Variants in GFRAL observed in about 807,000 individuals in gnomAD.
GFRAL encodes GDNF family receptor alpha like.
Under a neutral mutation model 45.4 loss-of-function variants are expected in GFRAL, and 36 were observed. The ratio of observed to expected loss-of-function variants is 0.79; its 90% CI spans 0.61 to 1.05. GFRAL has a LOEUF of 1.05. GFRAL is among the 50% of genes least tolerant of loss of function. The pLI, the probability that GFRAL is intolerant of heterozygous loss-of-function variation, is 0.00. For missense variants in GFRAL, 507 were observed against 467.5 expected (o/e 1.08, Z -0.78); for synonymous variants, 166 against 154.1 (o/e 1.08, Z -0.57).
chr6:55,379,243 A>ACAT (rs1768574462), intron 6 of GFRAL, among the ~76,000 whole-genome samples: 1 of 151,882 alleles, frequency 6.6e-6, no homozygotes, highest in Non-Finnish European at 1.5e-5. Flanking sequence ...GATTTGTTGT[A>ACAT]CATATTATTT....
chr6:55,381,058 A>T (rs1029129650), intron 6 of GFRAL, among the ~76,000 whole-genome samples: 1 of 151,940 alleles, frequency 6.6e-6, no homozygotes, highest in African/African-American at 2.4e-5. Context: ...AAAAAGTTTG[A>T]GTAGTAGGAA....
intron 4 of GFRAL, among the ~76,000 whole-genome samples, chr6:55,351,011 G>T (rs1334780143): frequency 2.0e-5 from 3 of 152,038 alleles, no homozygotes; most frequent in African/African-American, 7.2e-5. Flanking sequence ...TTTTGGCCCA[G>T]CACGCTTCCC....
At position 55,351,341 on chromosome 6, in the gene GFRAL, AG is replaced by A. The variant is rs1768113766; in HGVS notation, c.460del (p.Ala154LeufsTer11). 6.2e-7 allele frequency: 1 copy of A among 1,613,554 alleles called. No individual in the cohort carries two copies. The highest frequency in any genetic ancestry group is 1.1e-5 in the South Asian group (1 of 91,084). ...CNAQLASYLK[A>X]CSANGNPCDL... is the part of the protein sequence containing the mutation. ...ATGCACAGTTGGCCTCTTACCTTAA[AG>A]CTTGCTCAGCAAATGGAAATCCGTG... On this transcript the variant is annotated frameshift_variant, in exon 5 of 9. Transcript: ENST00000340465. LOFTEE classifies it high-confidence loss of function.
chr6:55,384,271 A>T (rs543702112), intron 6 of GFRAL, among the ~76,000 whole-genome samples: 7 of 147,388 alleles, frequency 4.7e-5, no homozygotes, highest in Non-Finnish European at 7.4e-5. Flanking sequence ...TAAAGTATAT[A>T]AAAAAAACTC....
Position 55,351,253 on chromosome 6 carries a change from G to T in GFRAL, c.371G>T (p.Gly124Val). 1 of 1,575,036 alleles carries T rather than the reference G, an allele frequency of 6.3e-7. No homozygotes were observed. Residue 124 changes from glycine to valine, a missense_variant and splice_region_variant, in exon 5 of 9, where the codon GGA becomes GTA. Physicochemically the swap from Gly to Val is moderately radical, Grantham distance 109 (BLOSUM62 -3). Coordinates refer to ENST00000340465, the MANE Select transcript of GFRAL (RefSeq NM_207410.2). ...KWNLTTRSHH[G>V]FKGMWSCLEV... ...GACCTGGGCATATCATTGCTTTCAGGATTCAAAGGGATGTGGTCCTGTTTG... is the reference window on the plus strand; with the variant it reads ...GACCTGGGCATATCATTGCTTTCAGTATTCAAAGGGATGTGGTCCTGTTTG...
At position 55,327,540 on chromosome 6, in the gene GFRAL, C is replaced by A. The variant is rs373472577; in HGVS notation, c.-15C>A. 1.9e-6 allele frequency: 3 copies of A among 1,612,236 alleles called. No homozygotes were observed. The highest frequency in any genetic ancestry group is 2.7e-5 in the African/African-American group (2 of 74,812). On this transcript the variant is annotated 5_prime_UTR_variant, in exon 1 of 9. Transcript: ENST00000340465. ...CTGCCTTTTTTTCCAGGTGAACTGCCGTGAGTTGTCCAGCATGATAGTGTT... is the reference window on the plus strand; with the variant it reads ...CTGCCTTTTTTTCCAGGTGAACTGCAGTGAGTTGTCCAGCATGATAGTGTT...
At chr6:55,384,895 G>A (rs988140487) in intron 6 of GFRAL, among the ~76,000 whole-genome samples, 5 of 150,218 alleles carry the variant, frequency 3.3e-5, no homozygotes, top group African/African-American at 7.3e-5. Flanking sequence ...ACTCAGCTAC[G>A]GAGTTAGCCT....
intron 6 of GFRAL, among the ~76,000 whole-genome samples, chr6:55,364,134 G>C (rs1215114194): frequency 3.3e-5 from 5 of 150,162 alleles, no homozygotes; most frequent in Non-Finnish European, 5.9e-5. Flanking sequence ...GCCATTCTAA[G>C]TGGTGTGAGA....
rs573059504 is a variant in GFRAL, at chr6:55,342,840, A to G, written c.317-7252A>G. ...TAAAAGGATGGAGGAAGATCTACCA[A>G]GCAAATGGAAAACAAAAAAAGGCAG... is the stretch of plus-strand genomic sequence containing the variant. On this transcript the variant is annotated intron_variant, in intron 3 of 8. Coordinates refer to ENST00000340465, the MANE Select transcript of GFRAL (RefSeq NM_207410.2). 8.7e-4 allele frequency among the ~76,000 whole-genome samples: 133 copies of G among 152,290 alleles called. 1 individual carries two copies. Among genetic ancestry groups the G allele is most frequent in the African/African-American group, 3.1e-3 (129 of 41,566 alleles).
chr6:55,351,364 C>A lies in GFRAL; in HGVS notation c.482C>A (p.Pro161Gln), dbSNP rs931622163. 1.2e-6 allele frequency: 2 copies of A among 1,613,530 alleles called. No individual in the cohort carries two copies. Among genetic ancestry groups the A allele is most frequent in the Non-Finnish European group, 1.7e-6 (2 of 1,179,648 alleles). ...YLKACSANGN[P>Q]CDLKQCQAAI... is the part of the protein sequence containing the mutation. ...AAAGCTTGCTCAGCAAATGGAAATC[C>A]GTGTGATCTGAAACAGTGCCAAGCA... is the stretch of plus-strand genomic sequence containing the variant. The change falls in exon 5 of 9, where the codon CCG becomes CAG. Residue 161 changes from proline (P) to glutamine (Q), a missense_variant. Transcript: ENST00000340465.
intron 6 of GFRAL, among the ~76,000 whole-genome samples, chr6:55,368,885 C>G (rs1186780650): frequency 1.3e-5 from 2 of 152,054 alleles, no homozygotes; most frequent in Non-Finnish European, 2.9e-5. Flanking sequence ...GAGGTTACTG[C>G]TGTCTTTTTG....
intron 6 of GFRAL, among the ~76,000 whole-genome samples, chr6:55,360,016 T>C (rs182315346): frequency 6.6e-6 from 1 of 152,092 alleles, no homozygotes; most frequent in Non-Finnish European, 1.5e-5. Context: ...CAACCTATAA[T>C]GATGAAATGG....
At chr6:55,398,137 T>A (rs1156614139) in intron 6 of GFRAL, among the ~76,000 whole-genome samples, 3 of 152,198 alleles carry the variant, frequency 2.0e-5, no homozygotes, top group East Asian at 1.9e-4. Flanking sequence ...ATCCCCATCA[T>A]TAAGCAATGC....
At chr6:55,359,580 G>T (rs927603842) in intron 6 of GFRAL, among the ~76,000 whole-genome samples, 1 of 151,902 alleles carries the variant, frequency 6.6e-6, no homozygotes, top group African/African-American at 2.4e-5. Context: ...CTTTTGGGGG[G>T]TCACTCATGT....
intron 6 of GFRAL, among the ~76,000 whole-genome samples, chr6:55,387,822 A>C (rs1460089389): frequency 6.6e-6 from 1 of 152,210 alleles, no homozygotes; most frequent in Admixed American, 6.5e-5. Flanking sequence ...GAATGTTTTA[A>C]TGTCATATTT....
chr6:55,343,913 C>T (rs1364445943), intron 3 of GFRAL, among the ~76,000 whole-genome samples: 1 of 152,138 alleles, frequency 6.6e-6, no homozygotes, highest in Non-Finnish European at 1.5e-5. Context: ...AACACCTCTA[C>T]ACAAATAAAC....
chr6:55,379,493 G>T, intron 6 of GFRAL, among the ~76,000 whole-genome samples: 1 of 146,002 alleles, frequency 6.8e-6, no homozygotes. Flanking sequence ...TTTATGTTTT[G>T]CTTTTTCCCC....
chr6:55,353,876 CA>C (rs1562053780), intron 5 of GFRAL, among the ~76,000 whole-genome samples: 1 of 151,970 alleles, frequency 6.6e-6, no homozygotes, highest in African/African-American at 2.4e-5. Flanking sequence ...CATGTGATTA[CA>C]CTACTTTTCT....
chr6:55,345,392 C>T (rs1414475291), intron 3 of GFRAL, among the ~76,000 whole-genome samples: 1 of 152,056 alleles, frequency 6.6e-6, no homozygotes, highest in Non-Finnish European at 1.5e-5. Flanking sequence ...TAATACCACA[C>T]ATCTACAACC....
Sources: allele counts gnomAD v4.1 joint callset (sites outside exome capture counted in the v4.1 genomes callset), GRCh38; gene constraint gnomAD v4.1.1; transcripts MANE v1.5; gene names NCBI Gene and HGNC (gene_info 2026-07-23, HGNC 2026-07-21).